FAM120B: variants seen among roughly 807,000 people sequenced by gnomAD.
FAM120B encodes the protein family with sequence similarity 120 member B, also known as constitutive coactivator of peroxisome proliferator-activated receptor gamma.
In FAM120B, 83 loss-of-function variants were observed where a neutral mutation model predicts 96.3. The ratio of observed to expected loss-of-function variants is 0.86; its 90% CI spans 0.72 to 1.03. The LOEUF (loss-of-function observed/expected upper bound fraction) is 1.03, where lower values mean the gene tolerates loss of function less well. Among genes scored for constraint, FAM120B ranks in the 50% least tolerant of loss-of-function variants. The pLI, the probability that FAM120B is intolerant of heterozygous loss-of-function variation, is 0.00. For missense variants in FAM120B, 1,027 were observed against 1,121.2 expected, an observed-to-expected ratio of 0.92 and a Z score of 1.20; for synonymous variants, 407 against 402.7, an observed-to-expected ratio of 1.01 and a Z score of -0.13.
chr6:170,341,486 C>A (rs1425990701), intron 4 of FAM120B, among the ~76,000 whole-genome samples: 1 of 152,182 alleles, frequency 6.6e-6, no homozygotes, highest in East Asian at 1.9e-4. Flanking sequence ...GCTTCAGCCC[C>A]CTTTCCAGGG....
At chr6:170,348,700 C>T (rs1219369299) in intron 5 of FAM120B, among the ~76,000 whole-genome samples, 1 of 152,182 alleles carries the variant, frequency 6.6e-6, no homozygotes, top group Non-Finnish European at 1.5e-5. Context: ...GAGAAAGGAC[C>T]TGGCTAGAGA....
At chr6:170,384,937 C>G (rs1790108077) in intron 6 of FAM120B, among the ~76,000 whole-genome samples, 1 of 152,194 alleles carries the variant, frequency 6.6e-6, no homozygotes. Flanking sequence ...GACAAACAGA[C>G]AGAAGGTTAG....
At chr6:170,319,984 G>A (rs374318031) in intron 2 of FAM120B, among the ~76,000 whole-genome samples, 1 of 152,352 alleles carries the variant, frequency 6.6e-6, no homozygotes. Context: ...GCCACTACGT[G>A]TGAGGTTCTG....
intron 6 of FAM120B, among the ~76,000 whole-genome samples, chr6:170,374,478 C>T (rs559721773): frequency 1.3e-5 from 2 of 152,310 alleles, no homozygotes; most frequent in South Asian, 4.1e-4. Flanking sequence ...GATGCTCTTG[C>T]ACCAGGAGTT....
At chr6:170,354,692 G>A (rs896910288) in intron 5 of FAM120B, among the ~76,000 whole-genome samples, 3 of 152,116 alleles carry the variant, frequency 2.0e-5, no homozygotes, top group Non-Finnish European at 4.4e-5. Context: ...GGGAGGCTGA[G>A]GCAGGCAGAT....
At chr6:170,357,275 A>T (rs948372926) in intron 5 of FAM120B, among the ~76,000 whole-genome samples, 1 of 152,124 alleles carries the variant, frequency 6.6e-6, no homozygotes, top group Non-Finnish European at 1.5e-5. Flanking sequence ...TGGGTAGCTG[A>T]ACGCGGTGGC....
At chr6:170,297,179 G>C (rs1230816576) in intron 1 of FAM120B, among the ~76,000 whole-genome samples, 1 of 152,230 alleles carries the variant, frequency 6.6e-6, no homozygotes, top group Non-Finnish European at 1.5e-5. Flanking sequence ...TTGGTTGGCC[G>C]TGGGCGTGTG....
chr6:170,398,038 T>C (rs1332900065), intron 9 of FAM120B, among the ~76,000 whole-genome samples: 2 of 152,218 alleles, frequency 1.3e-5, no homozygotes, highest in Non-Finnish European at 2.9e-5. Flanking sequence ...GAGGGGATAG[T>C]CAAGAGAGTC....
Position 170,358,280 on chromosome 6 carries a change from C to A in FAM120B, c.2245C>A (p.Leu749Ile). The A allele has an allele frequency of 6.2e-7, 1 of 1,607,348 alleles. No individual in the cohort carries two copies. Among genetic ancestry groups the A allele is most frequent in the Non-Finnish European group, 8.5e-7 (1 of 1,175,734 alleles). The change falls in exon 6 of 11, where the codon CTC (leucine) becomes ATC (isoleucine). Residue 749 changes from leucine (L) to isoleucine (I), a missense_variant. By Grantham distance (5) the Leu-to-Ile change is conservative. Coordinates refer to ENST00000476287, the MANE Select transcript of FAM120B (RefSeq NM_032448.3). ...LHAFIAQALC[L>I]QGKSTSQLVN... ...TGCGTTTATTGCGCAGGCCTTGTGCCTCCAAGGAAAATCCACCTCGCAGCT... is the reference window on the plus strand; with the variant it reads ...TGCGTTTATTGCGCAGGCCTTGTGCATCCAAGGAAAATCCACCTCGCAGCT...
At chr6:170,397,597 G>T (rs1313657202) in intron 9 of FAM120B, among the ~76,000 whole-genome samples, 1 of 152,182 alleles carries the variant, frequency 6.6e-6, no homozygotes, top group African/African-American at 2.4e-5. Context: ...CTCAAGGTCT[G>T]CAGACCGACC....
At chr6:170,312,077 A>G (rs945535360) in intron 1 of FAM120B, among the ~76,000 whole-genome samples, 3 of 152,240 alleles carry the variant, frequency 2.0e-5, no homozygotes, top group African/African-American at 7.2e-5. Context: ...GTAGGAGAAC[A>G]GTGACATCAT....
chr6:170,307,864 T>C (rs1784381008), intron 1 of FAM120B, among the ~76,000 whole-genome samples: 1 of 151,982 alleles, frequency 6.6e-6, no homozygotes, highest in Admixed American at 6.6e-5. Context: ...AGTGAGAGGG[T>C]AGTCTTTCTG....
At chr6:170,354,506 G>T (rs9459993) in intron 5 of FAM120B, among the ~76,000 whole-genome samples, 1 of 152,084 alleles carries the variant, frequency 6.6e-6, no homozygotes, top group African/African-American at 2.4e-5. Flanking sequence ...TTTTTACTAT[G>T]TATTCATCTG....
chr6:170,304,065 T>G (rs191223585), upstream of FAM120B, among the ~76,000 whole-genome samples: 5 of 152,360 alleles, frequency 3.3e-5, no homozygotes, highest in Admixed American at 2.0e-4. Flanking sequence ...GACTTCCTGT[T>G]TTTTAGGTCC....
intron 3 of FAM120B, among the ~76,000 whole-genome samples, chr6:170,326,447 T>C (rs2115050049): frequency 6.6e-6 from 1 of 152,366 alleles, no homozygotes; most frequent in South Asian, 2.1e-4. Context: ...TTCTTGTTCA[T>C]TTCAGAATGT....
chr6:170,381,377 ATTGAATCCGTAGT>A (rs1271020088), intron 6 of FAM120B, among the ~76,000 whole-genome samples: 1 of 152,206 alleles, frequency 6.6e-6, no homozygotes, highest in Non-Finnish European at 1.5e-5. Context: ...TGTTAAAGAA[ATTGAATCCGTAGT>A]TTGCAAACTC....
chr6:170,354,759 A>G (rs1311099150), intron 5 of FAM120B, among the ~76,000 whole-genome samples: 1 of 130,040 alleles, frequency 7.7e-6, no homozygotes, highest in Non-Finnish European at 1.6e-5. Flanking sequence ...CCGTCTCTAC[A>G]AAAAAAAAGA....
intron 9 of FAM120B, among the ~76,000 whole-genome samples, chr6:170,400,710 T>G (rs1404860565): frequency 1.3e-5 from 2 of 152,222 alleles, no homozygotes; most frequent in African/African-American, 2.4e-5. Flanking sequence ...TCTTAATATT[T>G]ATGTCAAACT....
chr6:170,299,915 ATCT>A (rs1409664672), intron 1 of FAM120B, among the ~76,000 whole-genome samples: 1 of 152,216 alleles, frequency 6.6e-6, no homozygotes, highest in Non-Finnish European at 1.5e-5. Flanking sequence ...AGTACCAGAC[ATCT>A]TCACCATTAC....
Sources: allele counts gnomAD v4.1 joint callset (sites outside exome capture counted in the v4.1 genomes callset), GRCh38; gene constraint gnomAD v4.1.1; transcripts MANE v1.5; gene names NCBI Gene and HGNC (gene_info 2026-07-23, HGNC 2026-07-21).